Variants in LRRC49 observed in about 807,000 individuals in gnomAD.
LRRC49 encodes the protein leucine rich repeat containing 49.
In LRRC49, 50 loss-of-function variants were observed where a neutral mutation model predicts 83.3. The ratio of observed to expected loss-of-function variants is 0.60; its 90% confidence interval spans 0.48 to 0.76. LRRC49 has a LOEUF of 0.76. Among genes scored for constraint, LRRC49 ranks in the 30% least tolerant of loss-of-function variants. LRRC49 has a pLI of 0.00. For missense variants in LRRC49, 704 were observed against 809.1 expected (o/e 0.87, Z 1.58); for synonymous variants, 286 against 283.3 (o/e 1.01, Z -0.10).
At chr15:70,892,538 G>C (rs149932772), upstream of LRRC49, 3 of 1,512,502 alleles carry the variant, frequency 2.0e-6, no homozygotes, top group Non-Finnish European at 2.6e-6. Flanking sequence ...TTTCGCGCGG[G>C]CAGCGCTGAG....
intron 15 of LRRC49, among the ~76,000 whole-genome samples, chr15:71,040,256 A>T (rs183117682): frequency 1.7e-3 from 261 of 152,280 alleles, no homozygotes; most frequent in Non-Finnish European, 2.8e-3. Context: ...GTTATGCTTG[A>T]TGGGGAAACT....
chr15:71,023,295 CAA>C (rs1322078766), intron 14 of LRRC49, among the ~76,000 whole-genome samples: 1 of 151,974 alleles, frequency 6.6e-6, no homozygotes, highest in East Asian at 1.9e-4. Flanking sequence ...AAATGATGTT[CAA>C]AGAGTATTAA....
chr15:70,878,549 G>A (rs1305650667), intron 2 of LRRC49, among the ~76,000 whole-genome samples: 4 of 152,216 alleles, frequency 2.6e-5, no homozygotes, highest in Non-Finnish European at 5.9e-5. Context: ...TAGGGATAAA[G>A]CCTGTAAGGG....
At chr15:71,007,743 TG>T (rs1375204112) in intron 11 of LRRC49, among the ~76,000 whole-genome samples, 26 of 142,108 alleles carry the variant, frequency 1.8e-4, no homozygotes, top group African/African-American at 6.7e-4. Context: ...ATATATATAG[TG>T]TGTATATATA....
chr15:70,963,025 G>T (rs1267818020), intron 8 of LRRC49, among the ~76,000 whole-genome samples: 10 of 151,668 alleles, frequency 6.6e-5, no homozygotes, highest in Non-Finnish European at 1.2e-4. Context: ...CCAGCACTTT[G>T]GGGGGGCAAG....
At chr15:70,898,946 T>C (rs2033954212) in intron 3 of LRRC49, among the ~76,000 whole-genome samples, 1 of 152,046 alleles carries the variant, frequency 6.6e-6, no homozygotes, top group South Asian at 2.1e-4. Flanking sequence ...TGCGGATCTC[T>C]CTGGTTCCCA....
At chr15:71,036,171 C>T (rs1304633023) in intron 14 of LRRC49, among the ~76,000 whole-genome samples, 2 of 152,010 alleles carry the variant, frequency 1.3e-5, no homozygotes, top group Non-Finnish European at 2.9e-5. Flanking sequence ...TATCCTTTGC[C>T]CACTTTTTGA....
chr15:70,947,104 T>C (rs750203536), intron 8 of LRRC49, among the ~76,000 whole-genome samples: 1 of 152,166 alleles, frequency 6.6e-6, no homozygotes, highest in Non-Finnish European at 1.5e-5. Context: ...TCATGGGTAT[T>C]GGCTTGTTAT....
At chr15:70,943,849 A>G (rs1475714775) in intron 8 of LRRC49, among the ~76,000 whole-genome samples, 1 of 152,120 alleles carries the variant, frequency 6.6e-6, no homozygotes, top group African/African-American at 2.4e-5. Flanking sequence ...GCTGCAACCA[A>G]TTCTTATTTT....
At chr15:70,882,431 T>C (rs759989555) in intron 2 of LRRC49, 5 of 1,571,950 alleles carry the variant, frequency 3.2e-6, no homozygotes, top group East Asian at 2.2e-5. Context: ...CTATAGCACA[T>C]CAGAGCATTT....
At chr15:70,961,282 T>C (rs1357087159) in intron 8 of LRRC49, among the ~76,000 whole-genome samples, 1 of 152,160 alleles carries the variant, frequency 6.6e-6, no homozygotes, top group Non-Finnish European at 1.5e-5. Context: ...CTGGTGAGGA[T>C]GGTGAGCTGT....
chr15:71,037,360 T>C (rs773448089), intron 15 of LRRC49, 28 bp downstream of exon 15: 2 of 1,558,846 alleles, frequency 1.3e-6, no homozygotes, highest in East Asian at 2.3e-5. Context: ...CTTTGCGATC[T>C]AATGCCAGGA....
chr15:71,009,803 G>A lies in LRRC49; in HGVS notation c.1408-4G>A. On this transcript the variant is annotated splice_polypyrimidine_tract_variant and splice_region_variant and intron_variant, in intron 12 of 15. Coordinates refer to ENST00000260382, the MANE Select transcript of LRRC49 (RefSeq NM_017691.5). ...TGATCTGTATTTGTGTTTTATCATTGCAGCACCTTAAATTCAAGGAAACAA... is the reference window on the plus strand; with the variant it reads ...TGATCTGTATTTGTGTTTTATCATTACAGCACCTTAAATTCAAGGAAACAA... 1 of 1,605,004 alleles carries A rather than the reference G, an allele frequency of 6.2e-7. No homozygotes were observed. The highest frequency in any genetic ancestry group is 8.5e-7 in the Non-Finnish European group (1 of 1,173,472).
intron 9 of LRRC49, among the ~76,000 whole-genome samples, chr15:70,979,561 T>C (rs943997532): frequency 3.3e-5 from 5 of 152,108 alleles, no homozygotes; most frequent in Non-Finnish European, 7.4e-5. Context: ...TCATAGCTTT[T>C]AGAATTTAAA....
chr15:70,958,709 C>G (rs1379420132), intron 8 of LRRC49, among the ~76,000 whole-genome samples: 1 of 152,160 alleles, frequency 6.6e-6, no homozygotes, highest in Non-Finnish European at 1.5e-5. Flanking sequence ...CCTTCATATA[C>G]TAGTTTGTTA....
At chr15:70,948,746 A>G (rs2036104313) in intron 8 of LRRC49, among the ~76,000 whole-genome samples, 1 of 152,132 alleles carries the variant, frequency 6.6e-6, no homozygotes, top group Non-Finnish European at 1.5e-5. Context: ...TTAGTGGAGA[A>G]TGCTGTTTAG....
intron 1 of LRRC49, among the ~76,000 whole-genome samples, chr15:70,861,050 G>T (rs1453475652): frequency 1.3e-5 from 2 of 152,112 alleles, no homozygotes; most frequent in Non-Finnish European, 2.9e-5. Context: ...TTGTTTGCTG[G>T]GCTGTAATGT....
At position 70,895,929 on chromosome 15, in the gene LRRC49, T is replaced by C; in HGVS notation, c.186T>C (p.Ser62=). ...LQHDLERNYS[S]RQGDHINLVS... ...ATGACCTTGAAAGAAACTACTCAAGTAGGCAAGGTATTGTCAGTGAATAGA... is the reference window on the plus strand; with the variant it reads ...ATGACCTTGAAAGAAACTACTCAAGCAGGCAAGGTATTGTCAGTGAATAGA... Residue 62 remains serine, a synonymous_variant, in exon 3 of 16, where the codon AGT becomes AGC. Coordinates refer to ENST00000260382, the MANE Select transcript of LRRC49 (RefSeq NM_017691.5). The C allele has an allele frequency of 6.3e-7, 1 of 1,592,362 alleles. No homozygotes were observed. Among genetic ancestry groups the C allele is most frequent in the Admixed American group, 1.7e-5 (1 of 59,450 alleles).
chr15:70,881,118 AC>A (rs2033254652), intron 2 of LRRC49, among the ~76,000 whole-genome samples: 1 of 152,114 alleles, frequency 6.6e-6, no homozygotes, highest in African/African-American at 2.4e-5. Flanking sequence ...AGTCCTAGCT[AC>A]TCAGGAGACT....
Sources: allele counts gnomAD v4.1 joint callset (sites outside exome capture counted in the v4.1 genomes callset), GRCh38; gene constraint gnomAD v4.1.1; transcripts MANE v1.5; gene names NCBI Gene and HGNC (gene_info 2026-07-23, HGNC 2026-07-21).